Variants in WDCP observed in about 807,000 individuals in gnomAD.
WDCP encodes WD repeat and coiled coil containing.
A neutral mutation model predicts 41.6 loss-of-function variants in WDCP; 19 were observed. The ratio of observed to expected loss-of-function variants is 0.46; its 90% CI spans 0.32 to 0.67. The LOEUF (loss-of-function observed/expected upper bound fraction) is 0.67, where lower values mean the gene tolerates loss of function less well. Ranked by LOEUF, WDCP falls within the 30% of genes least tolerant of loss-of-function variation. The probability of loss-of-function intolerance (pLI) is 0.04; values close to 1 mark genes in which losing one functional copy is unlikely to be tolerated. For missense variants in WDCP, 802 were observed against 850.7 expected (o/e 0.94, Z 0.71); for synonymous variants, 302 against 320.8 (o/e 0.94, Z 0.63).
intron 1 of WDCP, among the ~76,000 whole-genome samples, chr2:24,046,186 T>C (rs924747144): frequency 1.3e-5 from 2 of 152,118 alleles, no homozygotes; most frequent in African/African-American, 4.8e-5. Context: ...ATGTGCTTCA[T>C]GTAAGATGTC....
intron 1 of WDCP, among the ~76,000 whole-genome samples, chr2:24,046,414 GT>G (rs931199340): frequency 2.0e-5 from 3 of 152,170 alleles, no homozygotes; most frequent in Admixed American, 2.0e-4. Context: ...CAGAGTATAA[GT>G]TTTTTGGAGA....
intron 2 of WDCP, among the ~76,000 whole-genome samples, chr2:24,035,629 C>T (rs1276705678): frequency 6.6e-6 from 1 of 152,000 alleles, no homozygotes; most frequent in Non-Finnish European, 1.5e-5. Context: ...AAAATCAAAA[C>T]TATGGCTGGG....
At chr2:24,041,184 C>A (rs919031272) in intron 1 of WDCP, among the ~76,000 whole-genome samples, 2 of 150,790 alleles carry the variant, frequency 1.3e-5, no homozygotes, top group African/African-American at 4.9e-5. Flanking sequence ...AATAATAATA[C>A]AAAAATTAGC....
At chr2:24,043,163 G>A (rs561437795) in intron 1 of WDCP, among the ~76,000 whole-genome samples, 1 of 152,022 alleles carries the variant, frequency 6.6e-6, no homozygotes, top group South Asian at 2.1e-4. Context: ...GCGAAACCTC[G>A]TCTCTACTAA....
In WDCP at chr2:24,039,488, A is replaced by G. The variant is rs1300117757; in HGVS notation, c.7T>C (p.Leu3=). The change falls in exon 2 of 4, where the codon TTG becomes CTG. Residue 3 remains leucine (L), a synonymous_variant. Coordinates refer to ENST00000295148, the MANE Select transcript of WDCP (RefSeq NM_025203.3). ...GTCCTGAGTAGTTTTCCTTTTCCCA[A>G]CTCCATCCTTTTGATAAAGGTTACC... ME[L]GKGKLLRTGL... 1 of 1,608,936 alleles carries G rather than the reference A, an allele frequency of 6.2e-7. No individual in the cohort carries two copies. The highest frequency in any genetic ancestry group is 1.7e-5 in the Admixed American group (1 of 59,840).
chr2:24,037,992 A>G lies in WDCP; in HGVS notation c.1503T>C (p.Ser501=), dbSNP rs115270382. The G allele has an allele frequency of 1.3e-3, 2,157 of 1,614,134 alleles. 25 individuals are homozygous for G. The African/African-American group carries it at 0.026, about 19-fold the overall frequency. Residue 501 remains serine (S), a synonymous_variant, in exon 2 of 4, where the codon AGT becomes AGC. Coordinates refer to ENST00000295148, the MANE Select transcript of WDCP (RefSeq NM_025203.3). ...PGRTLIKEIQ[S]PLSSICDGSI... ...AGCCATCACAGATACTAGACAGAGG[A>G]CTCTGGATTTCTTTAATAAGTGTTC...
chr2:24,029,861 G>T lies in WDCP; in HGVS notation c.*1072C>A, dbSNP rs530204637. 7 of 152,660 alleles carry T rather than the reference G, an allele frequency of 4.6e-5. No homozygotes were observed. The highest frequency in any genetic ancestry group is 1.7e-4 in the African/African-American group (7 of 41,576). The allele number at this position is 152,660 out of a possible 1,614,324, so 9.5% of individuals were successfully genotyped here. A position where few individuals can be genotyped will look rare whatever the true frequency, so the allele number is the denominator to read the frequency against. On this transcript the variant is annotated 3_prime_UTR_variant, in exon 4 of 4. Transcript: ENST00000295148. ...AAATCTGTGATTCCATCTGAAGGCA[G>T]TGAGAAGTGGTGTTACCATCTGAAG...
chr2:24,044,691 C>G (rs538852026), intron 1 of WDCP, among the ~76,000 whole-genome samples: 2 of 152,190 alleles, frequency 1.3e-5, no homozygotes, highest in African/African-American at 4.8e-5. Context: ...CCTTTCTACT[C>G]CTGTGTTAGC....
Position 24,039,407 on chromosome 2 carries a change from C to G in WDCP, c.88G>C (p.Asp30His). ...TCAGTTAGGACAACTTGATTCCCATCGGTCCAGGCAAGGCCATGGATCGGA... is the reference window on the plus strand; with the variant it reads ...TCAGTTAGGACAACTTGATTCCCATGGGTCCAGGCAAGGCCATGGATCGGA... ...VHPIHGLAWT[D>H]GNQVVLTDLR... The change falls in exon 2 of 4, where the codon GAT becomes CAT. Residue 30 changes from aspartate to histidine, a missense_variant. Transcript: ENST00000295148. 6.2e-7 allele frequency: 1 copy of G among 1,614,280 alleles called. No homozygotes were observed. Among genetic ancestry groups the G allele is most frequent in the South Asian group, 1.1e-5 (1 of 91,090 alleles).
At position 24,038,834 on chromosome 2, in the gene WDCP, T is replaced by C; in HGVS notation, c.661A>G (p.Thr221Ala). The C allele has an allele frequency of 3.1e-6, 5 of 1,614,222 alleles. No individual in the cohort carries two copies. The highest frequency in any genetic ancestry group is 3.4e-6 in the Non-Finnish European group (4 of 1,180,020). ...CAGATCTTATCCAATGGAAGCTCAG[T>C]AGCTATAGCAACCTGTGAGTCCACA... ...ATVDSQVAIA[T>A]ELPLDKICGL... The change falls in exon 2 of 4, where the codon ACT becomes GCT. Residue 221 changes from threonine (T) to alanine (A), a missense_variant. This residue lies in a region of WDCP where 7 missense variants were observed against 20.4 expected (regional missense o/e 0.34). Coordinates refer to ENST00000295148, the MANE Select transcript of WDCP (RefSeq NM_025203.3).
chr2:24,034,489 T>A (rs192074596), intron 2 of WDCP, among the ~76,000 whole-genome samples: 26 of 151,526 alleles, frequency 1.7e-4, no homozygotes, highest in African/African-American at 6.0e-4. Flanking sequence ...CAAAATTCTA[T>A]CCTCCAGAGA....
Position 24,038,944 on chromosome 2 carries a change from C to G in WDCP, c.551G>C (p.Trp184Ser). The G allele has an allele frequency of 6.2e-7, 1 of 1,614,184 alleles. No homozygotes were observed. Among genetic ancestry groups the G allele is most frequent in the Non-Finnish European group, 8.5e-7 (1 of 1,180,040 alleles). The change falls in exon 2 of 4, where the codon TGG (tryptophan) becomes TCG (serine). Residue 184 changes from tryptophan (W) to serine (S), a missense_variant. Physicochemically the swap from Trp to Ser is radical, Grantham distance 177. Coordinates refer to ENST00000295148, the MANE Select transcript of WDCP (RefSeq NM_025203.3). The stretch of plus-strand genomic sequence containing the variant: ...GTGAAGAGTCTTCTGAGCGCTGTCC[C>G]AAATATAAGAATGCAGGCTGCTGCC... ...AVGSSLHSYI[W>S]DSAQKTLHRC...
chr2:24,046,099 G>GT (rs1476618130), intron 1 of WDCP, among the ~76,000 whole-genome samples: 1 of 150,768 alleles, frequency 6.6e-6, no homozygotes, highest in Non-Finnish European at 1.5e-5. Flanking sequence ...GGGTGACAGA[G>GT]TGAGACCCTG....
Position 24,038,598 on chromosome 2 carries a change from A to T in WDCP, c.897T>A (p.Ser299=). The T allele has an allele frequency of 6.2e-7, 1 of 1,614,040 alleles. No individual in the cohort carries two copies. Among genetic ancestry groups the T allele is most frequent in the South Asian group, 1.1e-5 (1 of 91,058 alleles). The change falls in exon 2 of 4, where the codon TCT becomes TCA. Residue 299 remains serine, a synonymous_variant. Transcript: ENST00000295148. ...AGTCCTTTTTTCTTAGACAAATAAG[A>T]GAATTACCCTCAGACTTATGTTGAT... The part of the protein sequence containing the change: ...HFNQHKSEGN[S]LICLRKKDYL...
chr2:24,032,698 T>C (rs938744324), intron 3 of WDCP, 131 bp downstream of exon 3: 8 of 668,254 alleles, frequency 1.2e-5, no homozygotes, highest in South Asian at 1.9e-5. Context: ...ATAATAATAA[T>C]AGATTACTTG....
chr2:24,046,200 A>G (rs1663621032), intron 1 of WDCP, among the ~76,000 whole-genome samples: 1 of 152,190 alleles, frequency 6.6e-6, no homozygotes, highest in Non-Finnish European at 1.5e-5. Context: ...AGATGTCTAC[A>G]TGGTACCAAT....
At chr2:24,043,001 C>G (rs1573667602) in intron 1 of WDCP, among the ~76,000 whole-genome samples, 1 of 149,748 alleles carries the variant, frequency 6.7e-6, no homozygotes, top group East Asian at 2.0e-4. Context: ...CCATTACACT[C>G]CAGCCTGGGC....
chr2:24,033,938 G>T lies in WDCP; in HGVS notation c.1819-992C>A, dbSNP rs79318781. The stretch of plus-strand genomic sequence containing the variant: ...ACTGTGGTAGGATGAACCACTCAAA[G>T]AATATGTCCACTAATATTTTTAAAT... On this transcript the variant is annotated intron_variant, in intron 2 of 3. Transcript: ENST00000295148. 8.3e-3 allele frequency among the ~76,000 whole-genome samples: 1,261 copies of T among 152,184 alleles called. 9 individuals are homozygous for T. Among genetic ancestry groups the T allele is most frequent in the South Asian group, 0.034 (162 of 4,820 alleles).
chr2:24,030,567 T>C lies in WDCP; in HGVS notation c.*366A>G. 1 of 176,768 alleles carries C rather than the reference T, an allele frequency of 5.7e-6. No individual in the cohort carries two copies. The highest frequency in any genetic ancestry group is 1.2e-5 in the Non-Finnish European group (1 of 83,850). The allele number at this position is 176,768 out of a possible 1,614,324, so 10.9% of individuals were successfully genotyped here. ...AGACCTATAACAATGCCAAGGTATC[T>C]TTTAAGTGCTCCTAAGACAGCTTCA... On this transcript the variant is annotated 3_prime_UTR_variant, in exon 4 of 4. Transcript: ENST00000295148.
Sources: gnomAD v4.1 joint callset for allele counts (sites outside exome capture counted in the v4.1 genomes callset) on GRCh38, gnomAD v4.1.1 for gene constraint, gnomAD v4.1.1 regional missense constraint, MANE v1.5 for transcripts, NCBI Gene and HGNC (gene_info 2026-07-23, HGNC 2026-07-21) for gene names.